ITGB6: variants seen among roughly 807,000 people sequenced by gnomAD.
ITGB6 encodes integrin subunit beta 6.
In ITGB6, 80 loss-of-function variants were observed where a neutral mutation model predicts 84.5. That is an observed-to-expected ratio of 0.95 (90% confidence interval 0.79 to 1.14). ITGB6 has a LOEUF of 1.14. Ranked by LOEUF, ITGB6 falls within the 50% of genes most tolerant of loss-of-function variation. The pLI, the probability that ITGB6 is intolerant of heterozygous loss-of-function variation, is 0.00. For synonymous variants in ITGB6, 383 were observed against 354.9 expected, an observed-to-expected ratio of 1.08 and a Z score of -0.89; for missense variants, 1,006 against 968.0, an observed-to-expected ratio of 1.04 and a Z score of -0.52.
At chr2:160,137,392 C>T (rs1477541685) in intron 10 of ITGB6, 42 bp downstream of exon 10, 1 of 1,563,794 alleles carries the variant, frequency 6.4e-7, no homozygotes, top group Non-Finnish European at 8.7e-7. Context: ...CTTGCTGATA[C>T]TTGAGCAGCC....
rs142711113 is a variant in ITGB6, at chr2:160,167,144, G to A, written c.1017+2068C>T. On this transcript the variant is annotated intron_variant, in intron 7 of 14. Transcript: ENST00000283249. ...TTTTCAGTGATTCTTCAGTAGCTAC[G>A]TTCCTTATATCGCAGTTATCCAAAC... 7.3e-3 allele frequency among the ~76,000 whole-genome samples: 1,108 copies of A among 152,240 alleles called. 4 individuals are homozygous for A. The highest frequency in any genetic ancestry group is 0.01 in the Non-Finnish European group (712 of 68,020).
chr2:160,123,897 AGTATCCAACAGT>A lies in ITGB6; in HGVS notation c.1884-21_1884-10del. 6.3e-7 allele frequency: 1 copy of A among 1,598,008 alleles called. No individual in the cohort carries two copies. The highest frequency in any genetic ancestry group is 1.1e-5 in the South Asian group (1 of 90,190). ...GGCACTCAATGCAGCTCCTGTGGAC[AGTATCCAACAGT>A]GTATCAGTTCATGCTGGTGGAAAAT... On this transcript the variant is annotated splice_polypyrimidine_tract_variant and intron_variant, in intron 11 of 14. Transcript: ENST00000283249.
At chr2:160,119,675 T>C (rs930024508) in intron 12 of ITGB6, among the ~76,000 whole-genome samples, 13 of 151,978 alleles carry the variant, frequency 8.6e-5, no homozygotes, top group African/African-American at 3.1e-4. Flanking sequence ...TGGGATCTAA[T>C]TAAACTAAAG....
intron 12 of ITGB6, among the ~76,000 whole-genome samples, chr2:160,113,484 C>T (rs193144039): frequency 1.1e-4 from 17 of 152,284 alleles, no homozygotes; most frequent in African/African-American, 3.6e-4. Context: ...AATAAAATTT[C>T]GGATGATAGA....
chr2:160,125,128 A>G (rs987271028), intron 11 of ITGB6, among the ~76,000 whole-genome samples: 6 of 101,418 alleles, frequency 5.9e-5, no homozygotes, highest in Admixed American at 1.2e-4. Context: ...AAAGATGTCT[A>G]TCTTTCCCAC....
At chr2:160,115,604 C>T (rs909716824) in intron 12 of ITGB6, among the ~76,000 whole-genome samples, 3 of 152,212 alleles carry the variant, frequency 2.0e-5, no homozygotes, top group Admixed American at 1.3e-4. Flanking sequence ...AAGCAGAGTG[C>T]CTCTCCTCCT....
intron 4 of ITGB6, among the ~76,000 whole-genome samples, chr2:160,180,321 T>A (rs1685615133): frequency 6.6e-6 from 1 of 152,196 alleles, no homozygotes; most frequent in South Asian, 2.1e-4. Flanking sequence ...ATTTTCTTTC[T>A]TTTTATAGAG....
At chr2:160,116,948 C>A (rs1285611294) in intron 12 of ITGB6, among the ~76,000 whole-genome samples, 2 of 151,708 alleles carry the variant, frequency 1.3e-5, no homozygotes, top group African/African-American at 2.4e-5. Context: ...GGGATCAATT[C>A]AACAAGAAGA....
In ITGB6 at chr2:160,198,555, C is replaced by T. The variant is rs563563299; in HGVS notation, c.141+624G>A. ...ATCATTCTCTAGTGTCTTAGGATGG[C>T]TTGGTACATAGTCCCCAATCATCTT... On this transcript the variant is annotated intron_variant, in intron 2 of 14. Transcript: ENST00000283249. 3.3e-5 allele frequency among the ~76,000 whole-genome samples: 5 copies of T among 152,330 alleles called. No homozygotes were observed. In the South Asian group the frequency reaches 1.0e-3, roughly 32 times the overall value.
rs992431323 is a variant in ITGB6, at chr2:160,142,188, C to T, written c.1018-117G>A. On this transcript the variant is annotated intron_variant, in intron 7 of 14. Transcript: ENST00000283249. ...TTTAACTGGCCAGGGAAAACAGGTT[C>T]GTGATAACAAACCTGCTTTTCTCCT... 8.5e-5 allele frequency: 52 copies of T among 614,676 alleles called. No individual in the cohort carries two copies. In the African/African-American group the frequency reaches 9.0e-4, roughly 11 times the overall value. 38.1% of individuals were successfully genotyped at this position (614,676 alleles called of 1,614,324 possible). A position where few individuals can be genotyped will look rare whatever the true frequency, so the allele number is the denominator to read the frequency against.
At chr2:160,190,301 A>G (rs899114484) in intron 4 of ITGB6, among the ~76,000 whole-genome samples, 7 of 152,020 alleles carry the variant, frequency 4.6e-5, no homozygotes, top group Non-Finnish European at 8.8e-5. Context: ...ACATGTATAT[A>G]TATGTAACAA....
intron 12 of ITGB6, among the ~76,000 whole-genome samples, chr2:160,115,887 C>A (rs11838952): frequency 0.67 from 100,807 of 151,290 alleles, 33,950 homozygotes; most frequent in Admixed American, 0.74. Context: ...GGAACTGATG[C>A]GATCAACTGG....
At chr2:160,115,691 G>C (rs529602485) in intron 12 of ITGB6, among the ~76,000 whole-genome samples, 5 of 152,302 alleles carry the variant, frequency 3.3e-5, no homozygotes, top group African/African-American at 9.6e-5. Flanking sequence ...AGAGAAGAAG[G>C]CTCCAGACGA....
chr2:160,116,561 G>A (rs955248135), intron 12 of ITGB6, among the ~76,000 whole-genome samples: 4 of 152,200 alleles, frequency 2.6e-5, no homozygotes, highest in Non-Finnish European at 5.9e-5. Flanking sequence ...GCAAAAACAT[G>A]CCAAAATGTA....
chr2:160,115,659 G>A (rs1308943336), intron 12 of ITGB6, among the ~76,000 whole-genome samples: 1 of 152,234 alleles, frequency 6.6e-6, no homozygotes, highest in Non-Finnish European at 1.5e-5. Context: ...AAAGCTGGAG[G>A]GAGAATGACT....
At position 160,136,132 on chromosome 2, in the gene ITGB6, A is replaced by G. The variant is rs537603258; in HGVS notation, c.1660+1302T>C. On this transcript the variant is annotated intron_variant, in intron 10 of 14. Coordinates refer to ENST00000283249, the MANE Select transcript of ITGB6 (RefSeq NM_000888.5). ...GTGAACAGGCAACCTACAGAATGGG[A>G]GAAAATTTTTGCAATCTACTCATCT... is the stretch of plus-strand genomic sequence containing the variant. 5.5e-3 allele frequency among the ~76,000 whole-genome samples: 831 copies of G among 152,336 alleles called. 4 individuals carry two copies. Among genetic ancestry groups the G allele is most frequent in the African/African-American group, 0.019 (790 of 41,578 alleles).
intron 12 of ITGB6, among the ~76,000 whole-genome samples, chr2:160,121,888 GC>G (rs1389881680): frequency 4.7e-5 from 7 of 150,078 alleles, no homozygotes. Flanking sequence ...ATAAAGTTAT[GC>G]TTTTTTTTTT....
At chr2:160,139,929 T>C (rs1454577027) in intron 8 of ITGB6, among the ~76,000 whole-genome samples, 1 of 152,152 alleles carries the variant, frequency 6.6e-6, no homozygotes, top group Non-Finnish European at 1.5e-5. Context: ...TATTTAAGGT[T>C]TTTTTAAAAT....
At position 160,101,654 on chromosome 2, in the gene ITGB6, G is replaced by T; in HGVS notation, c.*82C>A. On this transcript the variant is annotated 3_prime_UTR_variant, in exon 15 of 15. Coordinates refer to ENST00000283249, the MANE Select transcript of ITGB6 (RefSeq NM_000888.5). Reference sequence around the variant, plus strand: ...TATTATCTTAAACCAACCTCATTTTGAAGCAACAAAGAGAAAAAAATTAAA... The same window carrying T: ...TATTATCTTAAACCAACCTCATTTTTAAGCAACAAAGAGAAAAAAATTAAA... The T allele has an allele frequency of 1.2e-6, 1 of 806,810 alleles. No individual in the cohort carries two copies. The highest frequency in any genetic ancestry group is 2.1e-6 in the Non-Finnish European group (1 of 466,054). The allele number at this position is 806,810 out of a possible 1,614,324, so 50.0% of individuals were successfully genotyped here.
Sources: allele counts gnomAD v4.1 joint callset (sites outside exome capture counted in the v4.1 genomes callset), GRCh38; gene constraint gnomAD v4.1.1; transcripts MANE v1.5; gene names NCBI Gene and HGNC (gene_info 2026-07-23, HGNC 2026-07-21).